BLOC1S3: variants seen among roughly 807,000 people sequenced by gnomAD.
BLOC1S3 encodes biogenesis of lysosomal organelles complex 1 subunit 3, also known as biogenesis of lysosome-related organelles complex 1 subunit 3.
In BLOC1S3, 7 loss-of-function variants were observed where a neutral mutation model predicts 9.1. The observed-to-expected ratio is 0.77, with a 90% confidence interval of 0.44 to 1.45. BLOC1S3 has a LOEUF of 1.45. Ranked by LOEUF, BLOC1S3 falls within the 40% of genes most tolerant of loss-of-function variation. The pLI is 0.01. For synonymous variants in BLOC1S3, 145 were observed against 158.4 expected (o/e 0.92, Z 0.64); for missense variants, 307 against 315.2 (o/e 0.97, Z 0.20).
chr19:45,204,565 A>T (rs1969713743), intron 3 of BLOC1S3, among the ~76,000 whole-genome samples: 1 of 152,056 alleles, frequency 6.6e-6, no homozygotes, highest in Admixed American at 6.6e-5. Flanking sequence ...GAGTCATCCA[A>T]AGGCTCAGCT....
chr19:45,190,821 T>TATTTTATATTTTATTTTTTATTTTA (rs1599751332), intron 2 of BLOC1S3, among the ~76,000 whole-genome samples: 6 of 147,256 alleles, frequency 4.1e-5, no homozygotes, highest in Non-Finnish European at 7.5e-5. Context: ...TATTTTATTT[T>TATTTTATATTTTATTTTTTATTTTA]TTGAGAGAGA....
intron 3 of BLOC1S3, among the ~76,000 whole-genome samples, chr19:45,209,420 T>C (rs1392567406): frequency 1.3e-5 from 2 of 151,972 alleles, no homozygotes; most frequent in Non-Finnish European, 2.9e-5. Context: ...TTTATTTTAT[T>C]GTTATTATTG....
At chr19:45,183,475 CAAAAA>C (rs56825766), downstream of BLOC1S3, among the ~76,000 whole-genome samples, 1 of 130,254 alleles carries the variant, frequency 7.7e-6, no homozygotes, top group African/African-American at 2.8e-5. Flanking sequence ...GACTCTGTCT[CAAAAA>C]AAAAAAAAAG....
chr19:45,192,224 T>A (rs1255495966), intron 2 of BLOC1S3, among the ~76,000 whole-genome samples: 1 of 152,226 alleles, frequency 6.6e-6, no homozygotes. Context: ...TGGCAGCTAC[T>A]GCTTGGCTAC....
At chr19:45,216,903 A>C (rs1482577026) in exon 4 of BLOC1S3, 1 of 150,936 alleles carries the variant, frequency 6.6e-6, no homozygotes. Context: ...AGGCCCTTCC[A>C]GCCCAGCTGA....
intron 3 of BLOC1S3, among the ~76,000 whole-genome samples, chr19:45,206,209 T>C (rs1343689512): frequency 6.6e-6 from 1 of 151,666 alleles, no homozygotes; most frequent in Non-Finnish European, 1.5e-5. Context: ...TACCAAAAAT[T>C]AGCTGGGCAT....
downstream of BLOC1S3, chr19:45,217,006 G>C (rs1199378978): frequency 6.6e-6 from 1 of 151,830 alleles, no homozygotes; most frequent in African/African-American, 2.4e-5. Context: ...TAGTTTCTCT[G>C]TACGTTCATG....
intron 3 of BLOC1S3, among the ~76,000 whole-genome samples, chr19:45,214,203 A>ATC (rs1433666000): frequency 6.6e-6 from 1 of 152,252 alleles, no homozygotes; most frequent in East Asian, 1.9e-4. Flanking sequence ...ACATGACCTT[A>ATC]TCCCCCAGAA....
At chr19:45,210,015 G>A (rs987188311) in intron 3 of BLOC1S3, among the ~76,000 whole-genome samples, 2 of 152,094 alleles carry the variant, frequency 1.3e-5, no homozygotes, top group Non-Finnish European at 2.9e-5. Flanking sequence ...TTACAGGCGT[G>A]AGCCATTGTG....
chr19:45,210,058 AAACAAAAC>A (rs1969756769), intron 3 of BLOC1S3, among the ~76,000 whole-genome samples: 3 of 152,274 alleles, frequency 2.0e-5, no homozygotes, highest in African/African-American at 7.2e-5. Flanking sequence ...AAACAAAACA[AAACAAAAC>A]AAAATTATGC....
chr19:45,186,070 G>A (rs990317517), downstream of BLOC1S3, among the ~76,000 whole-genome samples: 2 of 151,898 alleles, frequency 1.3e-5, no homozygotes, highest in Non-Finnish European at 2.9e-5. Context: ...CCAAGATTGC[G>A]CCACTGCACT....
intron 2 of BLOC1S3, among the ~76,000 whole-genome samples, chr19:45,193,797 T>G (rs547807059): frequency 2.6e-3 from 237 of 91,556 alleles, no homozygotes; most frequent in Middle Eastern, 9.5e-3. Flanking sequence ...CTGTTTTTTT[T>G]TTGTTGTTGT....
chr19:45,189,020 G>T (rs1969585950), intron 2 of BLOC1S3, among the ~76,000 whole-genome samples: 1 of 151,990 alleles, frequency 6.6e-6, no homozygotes, highest in Non-Finnish European at 1.5e-5. Flanking sequence ...ATGTTGGCCT[G>T]GCTAGTCTCA....
At chr19:45,201,727 C>G (rs2122926960) in intron 2 of BLOC1S3, among the ~76,000 whole-genome samples, 1 of 152,288 alleles carries the variant, frequency 6.6e-6, no homozygotes, top group South Asian at 2.1e-4. Flanking sequence ...TTGGCTGTGT[C>G]CCACCCAAAT....
At chr19:45,203,335 G>A (rs951263108) in intron 3 of BLOC1S3, among the ~76,000 whole-genome samples, 6 of 152,078 alleles carry the variant, frequency 3.9e-5, no homozygotes, top group Non-Finnish European at 5.9e-5. Context: ...GTGCAATGAC[G>A]TGCTCTCGGC....
At chr19:45,203,365 T>C (rs1444116111) in intron 3 of BLOC1S3, among the ~76,000 whole-genome samples, 2 of 152,092 alleles carry the variant, frequency 1.3e-5, no homozygotes, top group African/African-American at 4.8e-5. Context: ...TCTCTGCCTC[T>C]TGGGTTCAAG....
intron 3 of BLOC1S3, among the ~76,000 whole-genome samples, chr19:45,208,065 C>G (rs1195512733): frequency 4.6e-5 from 7 of 151,608 alleles, no homozygotes; most frequent in Admixed American, 3.9e-4. Context: ...ACCTCTACCT[C>G]CTGGGTTCAA....
Position 45,180,386 on chromosome 19 carries a change from G to A in BLOC1S3, c.*481G>A, listed in dbSNP as rs1969503531. 3.9e-5 allele frequency: 6 copies of A among 153,662 alleles called. No homozygotes were observed. In the South Asian group the frequency reaches 1.2e-3, roughly 30 times the overall value. 9.5% of individuals were successfully genotyped at this position (153,662 alleles called of 1,614,324 possible). A position where few individuals can be genotyped will look rare whatever the true frequency, so the allele number is the denominator to read the frequency against. On this transcript the variant is annotated 3_prime_UTR_variant, in exon 2 of 2. Coordinates refer to ENST00000433642, the MANE Select transcript of BLOC1S3 (RefSeq NM_212550.5). ...GCCTTCAAGAGTAGCTGGGACTGCA[G>A]ACCTGCACCACCACGTCCAGCTGCC...
At chr19:45,202,280 G>A in intron 2 of BLOC1S3, 1 of 148,670 alleles carries the variant, frequency 6.7e-6, no homozygotes, top group Non-Finnish European at 1.4e-5. Flanking sequence ...GGCCTCCCCA[G>A]CCACGTGGAA....
Sources: allele counts gnomAD v4.1 joint callset (sites outside exome capture counted in the v4.1 genomes callset), GRCh38; gene constraint gnomAD v4.1.1; transcripts MANE v1.5; gene names NCBI Gene and HGNC (gene_info 2026-07-23, HGNC 2026-07-21).